The following CSMD1 variants were observed in gnomAD, a reference collection of about 807,000 sequenced individuals.
CSMD1 encodes the protein CUB and sushi domain-containing protein 1.
In CSMD1, 213 loss-of-function variants were observed where a neutral mutation model predicts 417.5. That is an observed-to-expected ratio of 0.51 (90% confidence interval 0.46 to 0.57). CSMD1 has a LOEUF of 0.57. Among genes scored for constraint, CSMD1 ranks in the 20% least tolerant of loss-of-function variants. The pLI is 0.00. For synonymous variants in CSMD1, 2,862 were observed against 1,736.8 expected, an observed-to-expected ratio of 1.65 and a Z score of -16.11; for missense variants, 6,923 against 4,529.7, an observed-to-expected ratio of 1.53 and a Z score of -15.17.
Position 4,292,422 on chromosome 8 carries a change from T to G in CSMD1, c.415+127531A>C, listed in dbSNP as rs150523904. On this transcript the variant is annotated intron_variant, in intron 3 of 69. Coordinates refer to ENST00000635120, the MANE Select transcript of CSMD1 (RefSeq NM_033225.6). ...TGCCCGCCACCACGCCCGGCTAATT[T>G]TTTGTGTTTTTAATACAGACGGAAT... Among the ~76,000 whole-genome samples, 1,216 of 152,060 alleles carry G rather than the reference T, an allele frequency of 8.0e-3. 24 individuals are homozygous for G. The highest frequency in any genetic ancestry group is 0.028 in the African/African-American group (1,156 of 41,462).
chr8:3,445,400 A>G (rs985292626), intron 12 of CSMD1, among the ~76,000 whole-genome samples: 6 of 152,216 alleles, frequency 3.9e-5, no homozygotes, highest in African/African-American at 1.4e-4. Context: ...AGAGGCAGAT[A>G]TGACTGTGCC....
At chr8:4,982,044 A>G (rs1204650300) in intron 1 of CSMD1, among the ~76,000 whole-genome samples, 1 of 152,150 alleles carries the variant, frequency 6.6e-6, no homozygotes, top group East Asian at 1.9e-4. Flanking sequence ...AAGGAACTGA[A>G]TTCTGCCAGC....
At chr8:3,661,167 G>T (rs1276663572) in intron 7 of CSMD1, among the ~76,000 whole-genome samples, 1 of 152,126 alleles carries the variant, frequency 6.6e-6, no homozygotes, top group Non-Finnish European at 1.5e-5. Context: ...ACTCCTTGTG[G>T]ATGAATTGCA....
chr8:4,840,315 C>A (rs986814836), intron 1 of CSMD1, among the ~76,000 whole-genome samples: 8 of 152,166 alleles, frequency 5.3e-5, no homozygotes, highest in African/African-American at 1.9e-4. Context: ...ACCTTCTATT[C>A]AGCACAGCTG....
chr8:3,135,033 C>G (rs966040271), intron 41 of CSMD1, among the ~76,000 whole-genome samples: 2 of 152,218 alleles, frequency 1.3e-5, no homozygotes, highest in East Asian at 1.9e-4. Flanking sequence ...AGGCAGTCCT[C>G]CCACCTCAGC....
rs771656739 is a variant in CSMD1, at chr8:3,230,061, G to C, written c.4324C>G (p.Pro1442Ala). The C allele has an allele frequency of 6.2e-7, 1 of 1,607,312 alleles. No individual in the cohort carries two copies. ...ATACCTATGCATGTAGGAGGGTCTG[G>C]TTGCCAAAAGAACCGGTTATTCAGC... ...VQLNNRFFWQ[P>A]DPPTCIAACG... Residue 1442 changes from proline (P) to alanine (A), a missense_variant, in exon 27 of 70, where the codon CCA becomes GCA. Coordinates refer to ENST00000635120, the MANE Select transcript of CSMD1 (RefSeq NM_033225.6).
At chr8:4,616,383 C>G (rs773579244) in intron 2 of CSMD1, among the ~76,000 whole-genome samples, 3 of 152,184 alleles carry the variant, frequency 2.0e-5, no homozygotes, top group African/African-American at 7.2e-5. Context: ...ATGACCACAA[C>G]AGGCAAATCG....
intron 26 of CSMD1, among the ~76,000 whole-genome samples, chr8:3,236,253 A>C (rs1037781035): frequency 6.6e-6 from 1 of 152,090 alleles, no homozygotes; most frequent in African/African-American, 2.4e-5. Flanking sequence ...TTATATATAC[A>C]TTTAGAGCTA....
intron 3 of CSMD1, among the ~76,000 whole-genome samples, chr8:4,165,256 G>A (rs1023991265): frequency 1.3e-5 from 2 of 152,226 alleles, no homozygotes; most frequent in African/African-American, 4.8e-5. Flanking sequence ...ATGGAGGTCT[G>A]TTGCAGCGAA....
At chr8:4,277,315 C>T (rs184029204) in intron 3 of CSMD1, among the ~76,000 whole-genome samples, 21 of 152,084 alleles carry the variant, frequency 1.4e-4, no homozygotes, top group Admixed American at 1.2e-3. Context: ...CTGAAGGGAA[C>T]GGGACTGACT....
intron 6 of CSMD1, among the ~76,000 whole-genome samples, chr8:3,722,598 G>A (rs896859036): frequency 6.6e-6 from 1 of 152,044 alleles, no homozygotes; most frequent in Non-Finnish European, 1.5e-5. Context: ...ACCTTAAAAG[G>A]ACCCTGGTGG....
chr8:4,588,762 C>T (rs1342425362), intron 2 of CSMD1, among the ~76,000 whole-genome samples: 2 of 133,144 alleles, frequency 1.5e-5, no homozygotes, highest in South Asian at 2.6e-4. Flanking sequence ...TCCAGCCTGG[C>T]GACAGAGCAA....
chr8:4,313,202 A>G (rs937736810), intron 3 of CSMD1, among the ~76,000 whole-genome samples: 2 of 152,162 alleles, frequency 1.3e-5, no homozygotes, highest in Non-Finnish European at 2.9e-5. Context: ...CTAGGGAATA[A>G]TAACAGGAAA....
chr8:3,010,114 C>A (rs1354141606), intron 52 of CSMD1, among the ~76,000 whole-genome samples: 1 of 152,166 alleles, frequency 6.6e-6, no homozygotes, highest in Non-Finnish European at 1.5e-5. Context: ...CAGTCCAAAT[C>A]CACCGCAGGT....
intron 3 of CSMD1, among the ~76,000 whole-genome samples, chr8:4,388,915 AAAGTT>A (rs1803653450): frequency 6.6e-6 from 1 of 152,156 alleles, no homozygotes. Context: ...CTATTTGTTC[AAAGTT>A]ACTAATGCTT....
intron 1 of CSMD1, among the ~76,000 whole-genome samples, chr8:4,767,290 A>T (rs940701448): frequency 1.3e-5 from 2 of 152,210 alleles, no homozygotes; most frequent in Non-Finnish European, 2.9e-5. Context: ...AAACAAGTAG[A>T]GTTGACTATC....
chr8:3,474,198 G>A (rs1380054974), intron 11 of CSMD1, among the ~76,000 whole-genome samples: 3 of 152,126 alleles, frequency 2.0e-5, no homozygotes, highest in Non-Finnish European at 2.9e-5. Flanking sequence ...TGCATGTGAG[G>A]TTTATTGGCA....
intron 5 of CSMD1, among the ~76,000 whole-genome samples, chr8:3,955,950 C>T (rs1043520883): frequency 1.3e-5 from 2 of 152,166 alleles, no homozygotes; most frequent in South Asian, 2.1e-4. Context: ...CCCAACACCA[C>T]GCCCAACTAA....
At chr8:4,183,749 C>T (rs1016435126) in intron 3 of CSMD1, among the ~76,000 whole-genome samples, 5 of 152,146 alleles carry the variant, frequency 3.3e-5, no homozygotes, top group South Asian at 2.1e-4. Flanking sequence ...ATTAGTGAAG[C>T]AATATGAGTA....
Sources: gnomAD v4.1 joint callset for allele counts (sites outside exome capture counted in the v4.1 genomes callset) on GRCh38, gnomAD v4.1.1 for gene constraint, MANE v1.5 for transcripts, NCBI Gene and HGNC (gene_info 2026-07-23, HGNC 2026-07-21) for gene names.